LRFN5: variants seen among roughly 807,000 people sequenced by gnomAD.
LRFN5 encodes the protein leucine rich repeat and fibronectin type III domain containing 5.
LRFN5 carries 24 observed loss-of-function variants against 45.6 expected under a neutral mutation model. The ratio of observed to expected loss-of-function variants is 0.53; its 90% CI spans 0.38 to 0.74. The LOEUF is 0.74. LRFN5 is among the 30% of genes least tolerant of loss of function. The pLI is 0.00. For missense variants in LRFN5, 776 were observed against 861.5 expected, an observed-to-expected ratio of 0.90 and a Z score of 1.24; for synonymous variants, 340 against 313.8, an observed-to-expected ratio of 1.08 and a Z score of -0.88.
intron 2 of LRFN5, among the ~76,000 whole-genome samples, chr14:41,879,915 C>G (rs1432788928): frequency 8.3e-5 from 7 of 84,656 alleles, no homozygotes; most frequent in Non-Finnish European, 4.8e-5. Context: ...ATCAATTTTT[C>G]CTTTTTTTTT....
At chr14:41,805,330 C>T (rs1010422997) in intron 2 of LRFN5, among the ~76,000 whole-genome samples, 3 of 150,580 alleles carry the variant, frequency 2.0e-5, no homozygotes, top group Admixed American at 2.0e-4. Flanking sequence ...ATCAATTATG[C>T]AGATTTGGAT....
At chr14:41,678,700 T>A (rs117592086) in intron 1 of LRFN5, among the ~76,000 whole-genome samples, 1,975 of 152,302 alleles carry the variant, frequency 0.013, 14 homozygotes, top group Non-Finnish European at 0.023. Flanking sequence ...GATGTCTGAA[T>A]AGAAGCTTCC....
intron 1 of LRFN5, among the ~76,000 whole-genome samples, chr14:41,650,901 G>A (rs1187537259): frequency 1.0e-5 from 1 of 96,280 alleles, no homozygotes; most frequent in Non-Finnish European, 1.9e-5. Context: ...GAGAGAGAGG[G>A]AGGGAGGGAG....
intron 2 of LRFN5, among the ~76,000 whole-genome samples, chr14:41,860,474 A>G (rs1889622638): frequency 6.6e-6 from 1 of 152,224 alleles, no homozygotes; most frequent in South Asian, 2.1e-4. Flanking sequence ...GTTCATCAAA[A>G]TAGACTATTC....
intron 1 of LRFN5, among the ~76,000 whole-genome samples, chr14:41,728,279 T>C (rs1884019051): frequency 1.3e-5 from 2 of 152,122 alleles, no homozygotes. Flanking sequence ...TGTAACTATC[T>C]CTTTGAGAGT....
At chr14:41,643,142 G>A (rs1441279625) in intron 1 of LRFN5, among the ~76,000 whole-genome samples, 1 of 152,054 alleles carries the variant, frequency 6.6e-6, no homozygotes, top group Non-Finnish European at 1.5e-5. Flanking sequence ...ATATTTTGTT[G>A]ATAAGCTAAT....
In LRFN5 at chr14:41,781,618, G is replaced by A. The variant is rs61988361; in HGVS notation, c.-21+14589G>A. Among the ~76,000 whole-genome samples, 133 of 62,698 alleles carry A rather than the reference G, an allele frequency of 2.1e-3. 5 individuals are homozygous for A. The highest frequency in any genetic ancestry group is 7.5e-3 in the Admixed American group (46 of 6,096). 41.1% of individuals were successfully genotyped at this position (62,698 alleles called of 152,430 possible). On this transcript the variant is annotated intron_variant, in intron 2 of 5. Coordinates refer to ENST00000298119, the MANE Select transcript of LRFN5 (RefSeq NM_152447.5). ...AAAGAAAGAAAGAAAGAAAGAAAGA[G>A]AAAGAAAGAAAGAAAGGAAAGAAAG...
At position 41,904,202 on chromosome 14, in the gene LRFN5, G is replaced by A. The variant is rs1276323102; in HGVS notation, c.*27G>A. On this transcript the variant is annotated 3_prime_UTR_variant, in exon 6 of 6. Coordinates refer to ENST00000298119, the MANE Select transcript of LRFN5 (RefSeq NM_152447.5). ...GAGCACCACTTCTCCTCTCTCTCCT[G>A]AAAAAATTTGCCACTGATATTTTTA... The A allele has an allele frequency of 1.1e-5, 17 of 1,608,160 alleles. No homozygotes were observed. The highest frequency in any genetic ancestry group is 1.4e-5 in the Non-Finnish European group (17 of 1,178,202).
chr14:41,645,039 G>T (rs951952944), intron 1 of LRFN5, among the ~76,000 whole-genome samples: 4 of 152,156 alleles, frequency 2.6e-5, no homozygotes, highest in Non-Finnish European at 4.4e-5. Context: ...GTCCAACTGG[G>T]CCTGTGTGTT....
chr14:41,902,140 T>C (rs1891121162), intron 5 of LRFN5, among the ~76,000 whole-genome samples: 1 of 151,910 alleles, frequency 6.6e-6, no homozygotes, highest in Non-Finnish European at 1.5e-5. Context: ...CAGGATTTTT[T>C]TTCTTCTCTT....
At chr14:41,892,883 C>T (rs1181740095) in intron 4 of LRFN5, 7 of 984,878 alleles carry the variant, frequency 7.1e-6, no homozygotes, top group Non-Finnish European at 8.4e-6. Context: ...ATTTAATACA[C>T]ATTTTTTGAA....
intron 1 of LRFN5, among the ~76,000 whole-genome samples, chr14:41,732,188 T>C (rs1005125772): frequency 2.2e-4 from 34 of 152,284 alleles, no homozygotes; most frequent in African/African-American, 7.0e-4. Flanking sequence ...TAGAGCAGCA[T>C]GCATACAGCT....
chr14:41,753,246 C>T lies in LRFN5; in HGVS notation c.-196-13608C>T, dbSNP rs561460174. 5.3e-5 allele frequency among the ~76,000 whole-genome samples: 8 copies of T among 150,654 alleles called. No individual in the cohort carries two copies. In the East Asian group the frequency reaches 7.9e-4, roughly 15 times the overall value. On this transcript the variant is annotated intron_variant, in intron 1 of 5. Coordinates refer to ENST00000298119, the MANE Select transcript of LRFN5 (RefSeq NM_152447.5). ...TTGGCTTAGGATTGACTTGGCGATGCGGGCTCTTTTTTGGTTCCATATGAA... is the reference window on the plus strand; with the variant it reads ...TTGGCTTAGGATTGACTTGGCGATGTGGGCTCTTTTTTGGTTCCATATGAA...
chr14:41,743,449 C>A (rs7147747), intron 1 of LRFN5, among the ~76,000 whole-genome samples: 5,203 of 151,792 alleles, frequency 0.034, 313 homozygotes, highest in African/African-American at 0.12. Flanking sequence ...CAGTGCTTGA[C>A]CAAAAAATAA....
chr14:41,890,816 G>GT (rs975772813), intron 3 of LRFN5, among the ~76,000 whole-genome samples: 31 of 152,034 alleles, frequency 2.0e-4, no homozygotes, highest in African/African-American at 7.2e-4. Context: ...TCTAAAATGC[G>GT]TATCTATTTT....
chr14:41,837,802 A>G (rs1194386267), intron 2 of LRFN5, among the ~76,000 whole-genome samples: 1 of 152,218 alleles, frequency 6.6e-6, no homozygotes, highest in Non-Finnish European at 1.5e-5. Context: ...GGGAGTTTGT[A>G]AAATGATATT....
chr14:41,673,260 C>T (rs1881327888), intron 1 of LRFN5, among the ~76,000 whole-genome samples: 1 of 151,892 alleles, frequency 6.6e-6, no homozygotes, highest in South Asian at 2.1e-4. Flanking sequence ...GGTGGCCGGG[C>T]AGAGGGGCTC....
intron 2 of LRFN5, among the ~76,000 whole-genome samples, chr14:41,825,032 A>C (rs1392690760): frequency 2.6e-5 from 4 of 152,216 alleles, no homozygotes; most frequent in Admixed American, 2.6e-4. Flanking sequence ...GCTTAGCCAC[A>C]GCTATCTGCT....
At chr14:41,747,564 T>C (rs1277972132) in intron 1 of LRFN5, among the ~76,000 whole-genome samples, 1 of 151,970 alleles carries the variant, frequency 6.6e-6, no homozygotes, top group Non-Finnish European at 1.5e-5. Flanking sequence ...AACTATAACC[T>C]CTTAAAACAG....
Sources: gnomAD v4.1 joint callset for allele counts (sites outside exome capture counted in the v4.1 genomes callset) on GRCh38, gnomAD v4.1.1 for gene constraint, MANE v1.5 for transcripts, NCBI Gene and HGNC (gene_info 2026-07-23, HGNC 2026-07-21) for gene names.